TSFM: variants seen among roughly 807,000 people sequenced by gnomAD.
The protein encoded by TSFM is Ts translation elongation factor, mitochondrial, also known as elongation factor Ts, mitochondrial.
In TSFM, 29 loss-of-function variants were observed where a neutral mutation model predicts 33.4. The observed-to-expected ratio is 0.87, with a 90% CI of 0.65 to 1.18. The LOEUF (loss-of-function observed/expected upper bound fraction) is 1.18, where lower values mean the gene tolerates loss of function less well. Among genes scored for constraint, TSFM ranks in the 50% most tolerant of loss-of-function variants. TSFM has a pLI of 0.00. For synonymous variants in TSFM, 178 were observed against 163.5 expected, an observed-to-expected ratio of 1.09 and a Z score of -0.68; for missense variants, 394 against 395.6, an observed-to-expected ratio of 1.00 and a Z score of 0.04.
chr12:57,796,341 A>G lies in TSFM; in HGVS notation c.736A>G (p.Lys246Glu), dbSNP rs1218465112. The change falls in exon 6 of 6, where the codon AAA becomes GAA. Residue 246 changes from lysine (K) to glutamate (E), a missense_variant. By Grantham distance (56) the Lys-to-Glu change is moderately conservative. Around this residue, in one of 3 missense-constraint regions of TSFM, gnomAD observed 186 missense variants for 198.8 expected, o/e 0.94. Coordinates refer to ENST00000652027, the MANE Select transcript of TSFM (RefSeq NM_005726.6). ...GGTCATCTGTGAGACGTCTGAACAG[A>G]AAACAAACCTTGAAGACGTTGGCCG... ...ALVICETSEQ[K>E]TNLEDVGRRL... 1 of 1,608,940 alleles carries G rather than the reference A, an allele frequency of 6.2e-7. No homozygotes were observed. The highest frequency in any genetic ancestry group is 8.5e-7 in the Non-Finnish European group (1 of 1,177,618).
chr12:57,790,994 C>T (rs557955350), intron 4 of TSFM, among the ~76,000 whole-genome samples: 6 of 150,550 alleles, frequency 4.0e-5, no homozygotes, highest in Non-Finnish European at 7.4e-5. Flanking sequence ...GCATGAGCCA[C>T]GGCACTGGGC....
chr12:57,791,211 T>C (rs993998657), intron 4 of TSFM, among the ~76,000 whole-genome samples: 6 of 152,130 alleles, frequency 3.9e-5, no homozygotes, highest in African/African-American at 9.7e-5. Context: ...GGTTTCACCA[T>C]GTTGGCCAGG....
rs1187364361 is a variant in TSFM at position 57,796,276 on chromosome 12, C to T, written c.671C>T (p.Pro224Leu). ...GSYVHGAMQS[P>L]SLHKLVLGKY... is the part of the protein sequence containing the mutation. ...TATGTCCACGGAGCAATGCAGAGTC[C>T]CTCACTTCACAAGCTGGTGCTGGGG... The change falls in exon 6 of 6, where the codon CCC (proline) becomes CTC (leucine). Residue 224 changes from proline to leucine, a missense_variant. Physicochemically the swap from Pro to Leu is moderately conservative, Grantham distance 98. Transcript: ENST00000652027. 6.2e-7 allele frequency: 1 copy of T among 1,612,740 alleles called. No individual in the cohort carries two copies. The highest frequency in any genetic ancestry group is 8.5e-7 in the Non-Finnish European group (1 of 1,179,378).
At chr12:57,795,607 ATGTT>A (rs1955724497) in intron 5 of TSFM, among the ~76,000 whole-genome samples, 1 of 151,820 alleles carries the variant, frequency 6.6e-6, no homozygotes, top group Non-Finnish European at 1.5e-5. Flanking sequence ...TATACAACCT[ATGTT>A]TGTTGTTTTT....
chr12:57,789,473 T>C (rs556845493), intron 4 of TSFM, among the ~76,000 whole-genome samples: 109 of 152,312 alleles, frequency 7.2e-4, no homozygotes, highest in African/African-American at 2.6e-3. Context: ...GAGCAATTCT[T>C]ATGCTTCAGC....
downstream of TSFM, chr12:57,797,770 A>G: frequency 1.1e-6 from 1 of 881,858 alleles, no homozygotes; most frequent in Non-Finnish European, 1.6e-6. Flanking sequence ...ACTCTATTAT[A>G]TCTAAATTAA....
downstream of TSFM, chr12:57,799,800 T>C: frequency 6.2e-7 from 1 of 1,613,970 alleles, no homozygotes; most frequent in Non-Finnish European, 8.5e-7. Flanking sequence ...CTCACCTCCT[T>C]TTTGGCAGGG....
chr12:57,792,177 G>C (rs909614212), intron 4 of TSFM: 5 of 156,834 alleles, frequency 3.2e-5, no homozygotes, highest in African/African-American at 1.2e-4. Flanking sequence ...CCGGGAGGTG[G>C]AGGTTGCAGT....
intron 2 of TSFM, among the ~76,000 whole-genome samples, chr12:57,785,592 A>G (rs1170558463): frequency 6.6e-6 from 1 of 152,134 alleles, no homozygotes; most frequent in Non-Finnish European, 1.5e-5. Context: ...CCACCCGAGT[A>G]GTTTATAAGT....
downstream of TSFM, chr12:57,797,959 C>A: frequency 6.2e-7 from 1 of 1,612,892 alleles, no homozygotes; most frequent in Non-Finnish European, 8.5e-7. Context: ...CTTGTGATGC[C>A]AAACACAGAC....
chr12:57,794,191 G>A (rs138263702), intron 5 of TSFM, among the ~76,000 whole-genome samples: 1 of 152,336 alleles, frequency 6.6e-6, no homozygotes, highest in Non-Finnish European at 1.5e-5. Flanking sequence ...TGGAAGAGCT[G>A]GGTGTTTCAG....
chr12:57,794,689 C>G (rs955853080), intron 5 of TSFM, among the ~76,000 whole-genome samples: 10 of 152,210 alleles, frequency 6.6e-5, no homozygotes, highest in African/African-American at 2.2e-4. Flanking sequence ...CCTAAGTTCT[C>G]TAAGCCTAAG....
chr12:57,788,928 T>G (rs890397341), intron 4 of TSFM, among the ~76,000 whole-genome samples: 1 of 151,578 alleles, frequency 6.6e-6, no homozygotes, highest in Non-Finnish European at 1.5e-5. Flanking sequence ...TCACTACAGC[T>G]GGCCCTATCA....
Position 57,797,188 on chromosome 12 carries a change from T to C in TSFM, c.*605T>C. 1 of 985,462 alleles carries C rather than the reference T, an allele frequency of 1.0e-6. No homozygotes were observed. Among genetic ancestry groups the C allele is most frequent in the Non-Finnish European group, 1.2e-6 (1 of 829,946 alleles). 61.0% of individuals were successfully genotyped at this position (985,462 alleles called of 1,614,324 possible). A position where few individuals can be genotyped will look rare whatever the true frequency, so the allele number is the denominator to read the frequency against. On this transcript the variant is annotated 3_prime_UTR_variant, in exon 6 of 6. Transcript: ENST00000652027. ...GGATGATGTGTGGGTGGGTGGGTAC[T>C]GAGGTTTCCTGGCCAGCTGTAAGGC...
chr12:57,802,578 G>A (rs757747027), downstream of TSFM: 16 of 715,294 alleles, frequency 2.2e-5, no homozygotes, highest in Non-Finnish European at 3.5e-5. Flanking sequence ...AATTGGAGCT[G>A]TCTCTGAACT....
chr12:57,788,714 T>A (rs1955622798), intron 4 of TSFM, among the ~76,000 whole-genome samples: 1 of 152,172 alleles, frequency 6.6e-6, no homozygotes, highest in Admixed American at 6.5e-5. Flanking sequence ...TGTTCACTGC[T>A]GCCTCAAATT....
chr12:57,789,311 C>T (rs887458784), intron 4 of TSFM, among the ~76,000 whole-genome samples: 5 of 151,886 alleles, frequency 3.3e-5, no homozygotes, highest in Non-Finnish European at 7.4e-5. Context: ...TTGCAGACAT[C>T]AGGATCCTTT....
chr12:57,782,846 C>A lies in TSFM; in HGVS notation c.45C>A (p.Thr15=), dbSNP rs1220367597. Residue 15 remains threonine (T), a synonymous_variant, in exon 1 of 6, where the codon ACC becomes ACA. Transcript: ENST00000652027. ...RSLRVFLVAR[T]GSYPAGSLLR... Reference sequence around the variant, plus strand: ...TGCGCGTGTTTCTGGTCGCGCGGACCGGGAGCTACCCGGTGAGAAGTCCTG... The same window carrying A: ...TGCGCGTGTTTCTGGTCGCGCGGACAGGGAGCTACCCGGTGAGAAGTCCTG... 1.3e-6 allele frequency: 2 copies of A among 1,594,652 alleles called. No individual in the cohort carries two copies. Among genetic ancestry groups the A allele is most frequent in the Non-Finnish European group, 1.7e-6 (2 of 1,171,412 alleles).
At chr12:57,792,222 C>T (rs184602839) in intron 4 of TSFM, among the ~76,000 whole-genome samples, 2 of 148,072 alleles carry the variant, frequency 1.4e-5, no homozygotes, top group East Asian at 2.0e-4. Flanking sequence ...CCAGCCTGGG[C>T]GGCAGAGCGA....
Sources: allele counts gnomAD v4.1 joint callset (sites outside exome capture counted in the v4.1 genomes callset), GRCh38; gene constraint gnomAD v4.1.1; regional missense constraint gnomAD v4.1.1; transcripts MANE v1.5; gene names NCBI Gene and HGNC (gene_info 2026-07-23, HGNC 2026-07-21).